Variants in NEK10 observed in about 807,000 individuals in gnomAD.
NEK10 encodes the protein NIMA related kinase 10.
Under a neutral mutation model 159.8 loss-of-function variants are expected in NEK10, and 122 were observed. That is an observed-to-expected ratio of 0.76 (90% CI 0.66 to 0.89). The LOEUF is 0.89. NEK10 is among the 40% of genes least tolerant of loss of function. The pLI is 0.00. For synonymous variants in NEK10, 466 were observed against 457.1 expected (o/e 1.02, Z -0.25); for missense variants, 1,342 against 1,323.1 (o/e 1.01, Z -0.22).
intron 30 of NEK10, among the ~76,000 whole-genome samples, chr3:27,143,649 A>G (rs1240714645): frequency 1.3e-5 from 2 of 152,214 alleles, no homozygotes; most frequent in Admixed American, 6.5e-5. Flanking sequence ...TAAAAAATAA[A>G]GTTAAAAATA....
chr3:27,270,470 C>A (rs1433609891), intron 22 of NEK10, among the ~76,000 whole-genome samples: 1 of 152,132 alleles, frequency 6.6e-6, no homozygotes, highest in Non-Finnish European at 1.5e-5. Context: ...AGATAAACTG[C>A]TCCTGGACTC....
chr3:27,292,349 C>T (rs1023334304), intron 16 of NEK10, among the ~76,000 whole-genome samples: 6 of 151,994 alleles, frequency 3.9e-5, no homozygotes, highest in Non-Finnish European at 7.4e-5. Flanking sequence ...TCATTTAACT[C>T]AGATTTTAGT....
At chr3:27,212,870 G>A (rs1279303336) in intron 23 of NEK10, among the ~76,000 whole-genome samples, 2 of 152,140 alleles carry the variant, frequency 1.3e-5, no homozygotes, top group African/African-American at 2.4e-5. Context: ...AGTGTGAGAC[G>A]GAGGCAGGAG....
At chr3:27,240,010 C>A (rs1388585329) in intron 23 of NEK10, among the ~76,000 whole-genome samples, 1 of 152,156 alleles carries the variant, frequency 6.6e-6, no homozygotes, top group Non-Finnish European at 1.5e-5. Flanking sequence ...GCACATGTTA[C>A]AACTTGGCTT....
Position 27,176,112 on chromosome 3 carries a change from A to G in NEK10, c.2506-1279T>C, listed in dbSNP as rs552856517. Among the ~76,000 whole-genome samples, 31 of 152,314 alleles carry G rather than the reference A, an allele frequency of 2.0e-4. 1 individual carries two copies. In the South Asian group the frequency reaches 6.4e-3, roughly 32 times the overall value. On this transcript the variant is annotated intron_variant, in intron 26 of 35. Transcript: ENST00000691995. ...AATAAACCTCTAAAAGCTTTCATAT[A>G]TTTATGTTCTATAGGTAAGATGAAA...
intron 23 of NEK10, among the ~76,000 whole-genome samples, chr3:27,212,878 G>A (rs1206819271): frequency 6.6e-6 from 1 of 152,304 alleles, no homozygotes; most frequent in East Asian, 1.9e-4. Flanking sequence ...ACGGAGGCAG[G>A]AGAATAGAGT....
chr3:27,361,635 A>G (rs2048692633), intron 1 of NEK10, among the ~76,000 whole-genome samples: 1 of 152,202 alleles, frequency 6.6e-6, no homozygotes, highest in South Asian at 2.1e-4. Context: ...GACATGGTTC[A>G]TAATGTCTTC....
At chr3:27,152,599 A>C (rs2148753566) in intron 30 of NEK10, among the ~76,000 whole-genome samples, 1 of 152,184 alleles carries the variant, frequency 6.6e-6, no homozygotes, top group South Asian at 2.1e-4. Context: ...CAAAACCAAA[A>C]AACAAAAAAA....
At chr3:27,321,836 C>T (rs2045663150) in intron 6 of NEK10, among the ~76,000 whole-genome samples, 1 of 152,210 alleles carries the variant, frequency 6.6e-6, no homozygotes, top group Admixed American at 6.5e-5. Flanking sequence ...ACCTAGGGAG[C>T]TGCTTGGCCT....
chr3:27,137,708 T>C (rs1055345750), intron 31 of NEK10, among the ~76,000 whole-genome samples: 4 of 151,866 alleles, frequency 2.6e-5, no homozygotes, highest in African/African-American at 7.3e-5. Context: ...CAGCAGAAAA[T>C]AGAAAAGTGA....
At chr3:27,335,734 G>A (rs1239183014) in intron 5 of NEK10, among the ~76,000 whole-genome samples, 1 of 152,020 alleles carries the variant, frequency 6.6e-6, no homozygotes, top group Non-Finnish European at 1.5e-5. Context: ...ACAAATACAT[G>A]GAAATTAAAC....
Position 27,338,403 on chromosome 3 carries a change from G to T in NEK10, c.362+5869C>A, listed in dbSNP as rs143603942. Among the ~76,000 whole-genome samples the T allele has an allele frequency of 6.6e-4, 100 of 152,308 alleles. 1 individual carries two copies. In the East Asian group the frequency reaches 0.017, roughly 26 times the overall value. On this transcript the variant is annotated intron_variant, in intron 5 of 35. Transcript: ENST00000691995. Reference sequence around the variant, plus strand: ...ATAGTGCCGCAATAAACATACCTGTGCATGTGTCTATAGTAGAATGATTTA... The same window carrying T: ...ATAGTGCCGCAATAAACATACCTGTTCATGTGTCTATAGTAGAATGATTTA...
chr3:27,150,384 C>G (rs141252619), intron 30 of NEK10, among the ~76,000 whole-genome samples: 2 of 152,302 alleles, frequency 1.3e-5, no homozygotes, highest in East Asian at 1.9e-4. Flanking sequence ...CAGGCTGACT[C>G]TCTTGTTAGG....
chr3:27,185,241 G>C (rs1948503904), intron 26 of NEK10, among the ~76,000 whole-genome samples: 1 of 152,150 alleles, frequency 6.6e-6, no homozygotes, highest in South Asian at 2.1e-4. Flanking sequence ...TTTTGACTCT[G>C]GCAATATCAA....
intron 30 of NEK10, among the ~76,000 whole-genome samples, chr3:27,156,530 G>A (rs1422313232): frequency 6.6e-6 from 1 of 151,960 alleles, no homozygotes; most frequent in Non-Finnish European, 1.5e-5. Context: ...ATACTCAAAT[G>A]ACCAACGAAC....
chr3:27,153,095 C>A (rs569462298), intron 30 of NEK10, among the ~76,000 whole-genome samples: 1 of 152,114 alleles, frequency 6.6e-6, no homozygotes, highest in Admixed American at 6.5e-5. Flanking sequence ...GCCAAGTGGG[C>A]AGATCATGAG....
chr3:27,320,373 T>G (rs1036500784), intron 6 of NEK10, among the ~76,000 whole-genome samples: 3 of 152,198 alleles, frequency 2.0e-5, no homozygotes, highest in African/African-American at 7.2e-5. Context: ...TATTTGCTAG[T>G]TCAAGTCAGA....
intron 26 of NEK10, among the ~76,000 whole-genome samples, chr3:27,189,550 G>A (rs1201472910): frequency 6.6e-6 from 1 of 152,014 alleles, no homozygotes; most frequent in Non-Finnish European, 1.5e-5. Flanking sequence ...TATCTGAAAT[G>A]AGATAATCAT....
At chr3:27,349,619 CT>C (rs567280877) in intron 3 of NEK10, among the ~76,000 whole-genome samples, 7 of 152,154 alleles carry the variant, frequency 4.6e-5, no homozygotes, top group Non-Finnish European at 1.5e-5. Flanking sequence ...TTTCTTCCAT[CT>C]TTTTTTAAAA....
Sources: allele counts gnomAD v4.1 joint callset (sites outside exome capture counted in the v4.1 genomes callset), GRCh38; gene constraint gnomAD v4.1.1; transcripts MANE v1.5; gene names NCBI Gene and HGNC (gene_info 2026-07-23, HGNC 2026-07-21).